Variants in GRID2 observed in about 807,000 individuals in gnomAD.
GRID2 encodes glutamate receptor ionotropic, delta-2.
GRID2 carries 33 observed loss-of-function variants against 114.8 expected under a neutral mutation model. The observed-to-expected ratio is 0.29, with a 90% CI of 0.22 to 0.38. GRID2 has a LOEUF of 0.38. Among genes scored for constraint, GRID2 ranks in the 10% least tolerant of loss-of-function variants. The pLI, the probability that GRID2 is intolerant of heterozygous loss-of-function variation, is 1.00. For synonymous variants in GRID2, 505 were observed against 449.9 expected, an observed-to-expected ratio of 1.12 and a Z score of -1.55; for missense variants, 1,184 against 1,257.7, an observed-to-expected ratio of 0.94 and a Z score of 0.89.
At chr4:92,376,392 A>G (rs942712603) in intron 1 of GRID2, among the ~76,000 whole-genome samples, 17 of 152,198 alleles carry the variant, frequency 1.1e-4, no homozygotes, top group East Asian at 1.9e-4. Context: ...ATGGGTTCCT[A>G]TGGTCTTAGG....
intron 1 of GRID2, among the ~76,000 whole-genome samples, chr4:92,322,179 G>T (rs186810734): frequency 1.3e-5 from 2 of 152,186 alleles, no homozygotes; most frequent in East Asian, 3.9e-4. Context: ...AATCAAAGTT[G>T]AAAGCCTTTC....
chr4:93,683,411 C>T (rs1259244914), intron 14 of GRID2, among the ~76,000 whole-genome samples: 2 of 152,070 alleles, frequency 1.3e-5, no homozygotes, highest in Non-Finnish European at 2.9e-5. Flanking sequence ...AGTTTTAGAA[C>T]ATGATCCTAT....
intron 1 of GRID2, among the ~76,000 whole-genome samples, chr4:92,573,840 G>C (rs1727744106): frequency 6.6e-6 from 1 of 152,040 alleles, no homozygotes. Context: ...ACTTGATCCA[G>C]AGCTGAGTTC....
At chr4:92,434,284 G>A (rs996163169) in intron 1 of GRID2, among the ~76,000 whole-genome samples, 3 of 152,148 alleles carry the variant, frequency 2.0e-5, no homozygotes, top group African/African-American at 7.2e-5. Flanking sequence ...TCCAGCCAAA[G>A]CAATTTTATA....
intron 8 of GRID2, among the ~76,000 whole-genome samples, chr4:93,370,643 C>T (rs10013829): frequency 0.69 from 105,607 of 151,994 alleles, 37,707 homozygotes; most frequent in African/African-American, 0.87. Flanking sequence ...AAGGTTTTCT[C>T]TTTTTTTGCA....
At chr4:92,653,963 A>G (rs1473519138) in intron 2 of GRID2, among the ~76,000 whole-genome samples, 1 of 152,190 alleles carries the variant, frequency 6.6e-6, no homozygotes, top group African/African-American at 2.4e-5. Context: ...TTTAAGGAAT[A>G]GTAAAATACA....
At chr4:93,274,238 T>C (rs1011737486) in intron 8 of GRID2, among the ~76,000 whole-genome samples, 2 of 152,126 alleles carry the variant, frequency 1.3e-5, no homozygotes, top group Admixed American at 6.6e-5. Context: ...TTAAAAATGT[T>C]CTAGACACAG....
chr4:92,859,357 AAC>A (rs1560645779), intron 2 of GRID2, among the ~76,000 whole-genome samples: 2 of 152,234 alleles, frequency 1.3e-5, no homozygotes, highest in Admixed American at 1.3e-4. Context: ...GTATAGTATA[AAC>A]ACAATGTTTA....
At chr4:92,577,683 G>A (rs1187131201) in intron 1 of GRID2, among the ~76,000 whole-genome samples, 3 of 152,178 alleles carry the variant, frequency 2.0e-5, no homozygotes, top group African/African-American at 7.2e-5. Context: ...TACAGGAAGA[G>A]CAAGGTCCTC....
In GRID2 at chr4:92,834,866, T is replaced by C. The variant is rs566762391; in HGVS notation, c.244+244580T>C. Among the ~76,000 whole-genome samples, 13 of 152,132 alleles carry C rather than the reference T, an allele frequency of 8.5e-5. No individual in the cohort carries two copies. The South Asian group carries it at 1.5e-3, about 17-fold the overall frequency. ...AAAGTGTGAAAAGACACGTGCAGAA[T>C]GTTCTGGGAATGAGATTTAATAAAA... On this transcript the variant is annotated intron_variant, in intron 2 of 15. Transcript: ENST00000282020.
chr4:93,413,743 T>G (rs1482112275), intron 9 of GRID2, among the ~76,000 whole-genome samples: 1 of 152,208 alleles, frequency 6.6e-6, no homozygotes, highest in Non-Finnish European at 1.5e-5. Flanking sequence ...AATTATTTTT[T>G]CTTCTCATAA....
At chr4:93,711,153 TGGC>T (rs1728443142) in intron 14 of GRID2, among the ~76,000 whole-genome samples, 1 of 152,136 alleles carries the variant, frequency 6.6e-6, no homozygotes, top group South Asian at 2.1e-4. Flanking sequence ...TCTATTTTCA[TGGC>T]TTTCCCACCT....
intron 4 of GRID2, among the ~76,000 whole-genome samples, chr4:93,152,797 A>C (rs2870681): frequency 0.39 from 59,530 of 151,864 alleles, 12,047 homozygotes; most frequent in Admixed American, 0.54. Context: ...GGGAAGATAT[A>C]ATTTATGGCC....
rs530495595 is a variant in GRID2, at chr4:92,457,326, T to C, written c.89-132805T>C. ...TTTATAGCACTTTTCACATTTTCCATTGAATTATTTATGTTTATGTGTTAG... is the reference window on the plus strand; with the variant it reads ...TTTATAGCACTTTTCACATTTTCCACTGAATTATTTATGTTTATGTGTTAG... On this transcript the variant is annotated intron_variant, in intron 1 of 15. Coordinates refer to ENST00000282020, the MANE Select transcript of GRID2 (RefSeq NM_001510.4). Among the ~76,000 whole-genome samples the C allele has an allele frequency of 2.1e-3, 323 of 152,234 alleles. 2 individuals are homozygous for C. Among genetic ancestry groups the C allele is most frequent in the Non-Finnish European group, 3.1e-3 (209 of 67,990 alleles).
chr4:92,959,848 C>G (rs1215905650), intron 2 of GRID2, among the ~76,000 whole-genome samples: 1 of 151,746 alleles, frequency 6.6e-6, no homozygotes, highest in Admixed American at 6.6e-5. Flanking sequence ...ACACTGGGGC[C>G]TATTGGGGGA....
At chr4:92,519,582 A>C (rs538824033) in intron 1 of GRID2, among the ~76,000 whole-genome samples, 1 of 150,078 alleles carries the variant, frequency 6.7e-6, no homozygotes, top group Non-Finnish European at 1.5e-5. Flanking sequence ...ATATGCATAT[A>C]TATATCTTAT....
At chr4:92,670,445 C>T (rs1733003931) in intron 2 of GRID2, among the ~76,000 whole-genome samples, 1 of 151,766 alleles carries the variant, frequency 6.6e-6, no homozygotes, top group Non-Finnish European at 1.5e-5. Flanking sequence ...CTCATTATTC[C>T]TATTTGTGGA....
At chr4:92,455,854 T>A (rs950408705) in intron 1 of GRID2, among the ~76,000 whole-genome samples, 2 of 152,334 alleles carry the variant, frequency 1.3e-5, no homozygotes, top group African/African-American at 4.8e-5. Context: ...TTGTATGATC[T>A]TATTGCTGCC....
Position 92,489,408 on chromosome 4 carries a change from A to G in GRID2, c.89-100723A>G, listed in dbSNP as rs533314033. ...TCATTGAAATCTCGATTTTGTAACA[A>G]TATTCCTCAAAATTATTGAATGCTT... On this transcript the variant is annotated intron_variant, in intron 1 of 15. Transcript: ENST00000282020. 3.9e-5 allele frequency among the ~76,000 whole-genome samples: 6 copies of G among 152,300 alleles called. No individual in the cohort carries two copies. In the South Asian group the frequency reaches 1.2e-3, roughly 32 times the overall value.
Sources: allele counts gnomAD v4.1 joint callset (sites outside exome capture counted in the v4.1 genomes callset), GRCh38; gene constraint gnomAD v4.1.1; transcripts MANE v1.5; gene names NCBI Gene and HGNC (gene_info 2026-07-23, HGNC 2026-07-21).